The following NAA16 variants were observed in gnomAD, a reference collection of about 807,000 sequenced individuals.
NAA16 encodes NARG1-like protein.
A neutral mutation model predicts 110.3 loss-of-function variants in NAA16; 97 were observed. The ratio of observed to expected loss-of-function variants is 0.88; its 90% CI spans 0.75 to 1.04. The LOEUF is 1.04. Among genes scored for constraint, NAA16 ranks in the 50% least tolerant of loss-of-function variants. NAA16 has a pLI of 0.00. For synonymous variants in NAA16, 372 were observed against 330.6 expected, an observed-to-expected ratio of 1.13 and a Z score of -1.36; for missense variants, 1,017 against 1,005.1, an observed-to-expected ratio of 1.01 and a Z score of -0.16.
chr13:41,333,197 T>C (rs2042285574), intron 8 of NAA16, among the ~76,000 whole-genome samples: 1 of 152,176 alleles, frequency 6.6e-6, no homozygotes, highest in Non-Finnish European at 1.5e-5. Flanking sequence ...TAAAAGTGTC[T>C]TGTGGAAGAT....
chr13:41,337,530 G>C (rs185877678), intron 9 of NAA16, among the ~76,000 whole-genome samples: 1 of 123,302 alleles, frequency 8.1e-6, no homozygotes, highest in Admixed American at 9.2e-5. Context: ...GTGACAGAGC[G>C]AGACTCCGTC....
chr13:41,311,861 C>T (rs981312276), intron 1 of NAA16, among the ~76,000 whole-genome samples: 1 of 152,260 alleles, frequency 6.6e-6, no homozygotes, highest in Non-Finnish European at 1.5e-5. Flanking sequence ...CCGCAGTGCC[C>T]GGGCACAGCC....
chr13:41,323,268 AT>A (rs2041994176), intron 5 of NAA16, 78 bp downstream of exon 5: 19 of 1,402,498 alleles, frequency 1.4e-5, no homozygotes, highest in Non-Finnish European at 1.6e-5. Context: ...TCAAATGTGA[AT>A]TAAAGTATTT....
intron 7 of NAA16, 68 bp downstream of exon 7, chr13:41,328,911 A>G (rs115249210): frequency 3.0e-6 from 4 of 1,349,198 alleles, no homozygotes; most frequent in Admixed American, 2.0e-5. Context: ...TAAAGTTGTA[A>G]TAATACTTGG....
chr13:41,327,678 T>C (rs896467369), intron 6 of NAA16, among the ~76,000 whole-genome samples: 4 of 148,088 alleles, frequency 2.7e-5, no homozygotes, highest in African/African-American at 1.1e-4. Context: ...TTGTCTATTA[T>C]ATCTGGGATA....
intron 1 of NAA16, among the ~76,000 whole-genome samples, chr13:41,315,283 T>TG (rs1305443849): frequency 1.3e-5 from 2 of 152,186 alleles, no homozygotes; most frequent in East Asian, 3.9e-4. Context: ...AGGCCTGAGG[T>TG]GGGGATAAGC....
chr13:41,335,961 C>T (rs1211265688), intron 8 of NAA16, among the ~76,000 whole-genome samples: 1 of 150,824 alleles, frequency 6.6e-6, no homozygotes, highest in Non-Finnish European at 1.5e-5. Context: ...AATTAAAATT[C>T]TTTGAATATT....
chr13:41,371,101 C>G (rs2043307635), intron 15 of NAA16, among the ~76,000 whole-genome samples: 1 of 152,010 alleles, frequency 6.6e-6, no homozygotes, highest in African/African-American at 2.4e-5. Context: ...GATTAGGGAA[C>G]CTGGAGAAAT....
Position 41,337,498 on chromosome 13 carries a change from G to A in NAA16, c.1014+742G>A, listed in dbSNP as rs528111287. ...GCAGAGCTTGAAGTGAGCCGAGATC[G>A]CGCCACTGCACTCCAGCCTGAGTGA... On this transcript the variant is annotated intron_variant, in intron 9 of 19. Coordinates refer to ENST00000379406, the MANE Select transcript of NAA16 (RefSeq NM_024561.5). Among the ~76,000 whole-genome samples, 69 of 148,408 alleles carry A rather than the reference G, an allele frequency of 4.6e-4. 1 individual carries two copies. The South Asian group carries it at 0.014, about 31-fold the overall frequency.
In NAA16 at chr13:41,324,959, T is replaced by TG. The variant is rs2042051936; in HGVS notation, c.538-739_538-738insG. On this transcript the variant is annotated intron_variant, in intron 5 of 19. Transcript: ENST00000379406. The stretch of plus-strand genomic sequence containing the variant: ...GTTAATATAACTTTTTTAGTTTAGT[T>TG]TTTTTTTTTTTTTTTTGAGACTGAG... 3.1e-5 allele frequency among the ~76,000 whole-genome samples: 4 copies of TG among 130,542 alleles called. No individual in the cohort carries two copies. In the South Asian group the frequency reaches 8.9e-4, roughly 29 times the overall value. 85.6% of individuals were successfully genotyped at this position (130,542 alleles called of 152,430 possible). A position where few individuals can be genotyped will look rare whatever the true frequency, so the allele number is the denominator to read the frequency against.
Position 41,318,938 on chromosome 13 carries a change from T to G in NAA16, c.244+28T>G, listed in dbSNP as rs561656452. 6 of 1,380,580 alleles carry G rather than the reference T, an allele frequency of 4.3e-6. No individual in the cohort carries two copies. The African/African-American group carries it at 8.8e-5, about 20-fold the overall frequency. The allele number at this position is 1,380,580 out of a possible 1,614,324, so 85.5% of individuals were successfully genotyped here. On this transcript the variant is annotated intron_variant, in intron 3 of 19. Coordinates refer to ENST00000379406, the MANE Select transcript of NAA16 (RefSeq NM_024561.5). ...ATCCTTTTGCAGTAGTTAAATAGTT[T>G]ATGTTTTAGCTAGTTTTTTCCTAAT...
intron 8 of NAA16, among the ~76,000 whole-genome samples, chr13:41,333,796 G>A (rs935620709): frequency 2.6e-5 from 4 of 151,264 alleles, no homozygotes; most frequent in Non-Finnish European, 5.9e-5. Flanking sequence ...CCCTCAATAT[G>A]TGGCAGTATA....
intron 13 of NAA16, among the ~76,000 whole-genome samples, chr13:41,365,828 CTCTG>C (rs1268759284): frequency 2.6e-5 from 4 of 152,152 alleles, no homozygotes; most frequent in Non-Finnish European, 4.4e-5. Context: ...GACTTAAAAT[CTCTG>C]TCTATTAATG....
At chr13:41,339,259 C>A (rs1219826283) in intron 9 of NAA16, among the ~76,000 whole-genome samples, 1 of 151,946 alleles carries the variant, frequency 6.6e-6, no homozygotes, top group African/African-American at 2.4e-5. Context: ...CCTGCCTCAG[C>A]CTCCCGAGTA....
chr13:41,372,710 T>G (rs755962475), intron 16 of NAA16, 22 bp from the exon 17 acceptor site: 2 of 1,579,894 alleles, frequency 1.3e-6, no homozygotes, highest in South Asian at 2.3e-5. Flanking sequence ...ATGCTATTAC[T>G]TTTGTATTTT....
chr13:41,328,894 T>C (rs763519537), intron 7 of NAA16, 51 bp downstream of exon 7: 2 of 1,446,866 alleles, frequency 1.4e-6, no homozygotes, highest in South Asian at 2.4e-5. Context: ...TGAAGTATAA[T>C]AAAATGTAAA....
intron 8 of NAA16, among the ~76,000 whole-genome samples, chr13:41,334,947 A>G (rs755488359): frequency 1.4e-4 from 22 of 152,138 alleles, no homozygotes; most frequent in Non-Finnish European, 2.5e-4. Context: ...AGTAACATGG[A>G]TTGATGGATT....
intron 1 of NAA16, among the ~76,000 whole-genome samples, chr13:41,315,861 G>A (rs372211351): frequency 6.6e-6 from 1 of 151,262 alleles, no homozygotes; most frequent in African/African-American, 2.4e-5. Flanking sequence ...CCTCAGCCTC[G>A]TGGGCTCAAG....
chr13:41,350,362 C>T (rs931058758), intron 9 of NAA16, among the ~76,000 whole-genome samples: 5 of 149,736 alleles, frequency 3.3e-5, no homozygotes, highest in African/African-American at 4.9e-5. Flanking sequence ...GGTGTGATCT[C>T]GGCTCACTGC....
Sources: allele counts gnomAD v4.1 joint callset (sites outside exome capture counted in the v4.1 genomes callset), GRCh38; gene constraint gnomAD v4.1.1; transcripts MANE v1.5; gene names NCBI Gene and HGNC (gene_info 2026-07-23, HGNC 2026-07-21).